Variants in ATP6V1B1 observed in about 807,000 individuals in gnomAD.
The protein encoded by ATP6V1B1 is V-type proton ATPase subunit B, kidney isoform.
Under a neutral mutation model 62.1 loss-of-function variants are expected in ATP6V1B1, and 41 were observed. That is an observed-to-expected ratio of 0.66 (90% CI 0.51 to 0.86). The LOEUF is 0.86. ATP6V1B1 is among the 40% of genes least tolerant of loss of function. ATP6V1B1 has a pLI of 0.00. For synonymous variants in ATP6V1B1, 253 were observed against 273.4 expected (o/e 0.93, Z 0.74); for missense variants, 651 against 697.5 (o/e 0.93, Z 0.75).
intron 2 of ATP6V1B1, among the ~76,000 whole-genome samples, chr2:70,954,621 T>C (rs1680392221): frequency 6.6e-6 from 1 of 152,130 alleles, no homozygotes; most frequent in South Asian, 2.1e-4. Context: ...AATATTTTGT[T>C]TGTTTGTTGT....
At chr2:70,943,493 C>A in intron 1 of ATP6V1B1, 165 bp from the exon 2 acceptor site, 1 of 774,040 alleles carries the variant, frequency 1.3e-6, no homozygotes, top group Admixed American at 2.0e-5. Context: ...AGGGGCATGA[C>A]CCTTACAGCA....
At position 70,964,843 on chromosome 2, in the gene ATP6V1B1, T is replaced by A. The variant is rs927659418; in HGVS notation, c.1356T>A (p.Phe452Leu). 1.2e-6 allele frequency: 2 copies of A among 1,613,906 alleles called. No homozygotes were observed. Among genetic ancestry groups the A allele is most frequent in the African/African-American group, 2.7e-5 (2 of 74,894 alleles). The stretch of plus-strand genomic sequence containing the variant: ...TCTACCTGGAATTCCTGCAGAAGTT[T>A]GAGAAGAACTTCATCAATCAGGGTA... ...DLLYLEFLQKFEKNFINQGPY... is the reference protein window; with the variant it reads ...DLLYLEFLQKLEKNFINQGPY... The change falls in exon 13 of 14, where the codon TTT becomes TTA. Residue 452 changes from phenylalanine (F) to leucine (L), a missense_variant. By Grantham distance (22) the Phe-to-Leu change is conservative (BLOSUM62 0). Coordinates refer to ENST00000234396, the MANE Select transcript of ATP6V1B1 (RefSeq NM_001692.4).
At chr2:70,950,614 A>G (rs1558674015) in intron 2 of ATP6V1B1, among the ~76,000 whole-genome samples, 1 of 151,930 alleles carries the variant, frequency 6.6e-6, no homozygotes, top group Non-Finnish European at 1.5e-5. Flanking sequence ...AAAAAAAAGG[A>G]GGGGGGGAAT....
chr2:70,938,854 G>A (rs1679918711), intron 1 of ATP6V1B1: 1 of 949,626 alleles, frequency 1.1e-6, no homozygotes, highest in South Asian at 4.9e-5. Context: ...CTGGTTGGAG[G>A]GATGAAGCCA....
intron 1 of ATP6V1B1, among the ~76,000 whole-genome samples, chr2:70,938,362 T>A (rs1024602293): frequency 6.6e-6 from 1 of 152,000 alleles, no homozygotes; most frequent in African/African-American, 2.4e-5. Flanking sequence ...GGCCACTCTG[T>A]CCCTCTCCAC....
chr2:70,961,798 C>T (rs1021038594), intron 8 of ATP6V1B1, 105 bp downstream of exon 8: 84 of 1,125,010 alleles, frequency 7.5e-5, no homozygotes, highest in South Asian at 1.3e-4. Context: ...TACAGCCATA[C>T]GCCAGAGCTG....
intron 2 of ATP6V1B1, among the ~76,000 whole-genome samples, chr2:70,945,735 T>TATAC (rs1465765360): frequency 7.5e-6 from 1 of 133,036 alleles, no homozygotes; most frequent in Non-Finnish European, 1.6e-5. Flanking sequence ...TATATATATA[T>TATAC]ATATATAGTT....
intron 8 of ATP6V1B1, among the ~76,000 whole-genome samples, chr2:70,962,551 T>C (rs1680614259): frequency 6.6e-6 from 1 of 152,170 alleles, no homozygotes; most frequent in Non-Finnish European, 1.5e-5. Flanking sequence ...CCTCAGCCCC[T>C]GTCCCCTTTC....
At chr2:70,940,001 G>C (rs10164686) in intron 1 of ATP6V1B1, 2 of 152,168 alleles carry the variant, frequency 1.3e-5, no homozygotes, top group Non-Finnish European at 2.9e-5. Flanking sequence ...ATCTCACCCC[G>C]GTCACCCGAG....
chr2:70,943,815 C>T lies in ATP6V1B1; in HGVS notation c.174+102C>T, dbSNP rs959163509. The T allele has an allele frequency of 1.1e-4, 161 of 1,478,612 alleles. 2 individuals are homozygous for T. In the Middle Eastern group the frequency reaches 1.9e-3, roughly 17 times the overall value. The allele number at this position is 1,478,612 out of a possible 1,614,324, so 91.6% of individuals were successfully genotyped here. A position where few individuals can be genotyped will look rare whatever the true frequency, so the allele number is the denominator to read the frequency against. ...CTAAATTACCCTTTCCCTCCATGGCCCCCAGGGCCTGCTCTGTTCTCTCCA... is the reference window on the plus strand; with the variant it reads ...CTAAATTACCCTTTCCCTCCATGGCTCCCAGGGCCTGCTCTGTTCTCTCCA... On this transcript the variant is annotated intron_variant, in intron 2 of 13. Transcript: ENST00000234396.
chr2:70,948,497 G>A (rs1680240625), intron 2 of ATP6V1B1: 2 of 154,936 alleles, frequency 1.3e-5, no homozygotes, highest in South Asian at 2.0e-4. Flanking sequence ...CACCTCCAGG[G>A]AGATGACAAA....
At chr2:70,961,045 C>T (rs781878442) in intron 7 of ATP6V1B1, 23 bp downstream of exon 7, 14 of 1,558,300 alleles carry the variant, frequency 9.0e-6, no homozygotes, top group Non-Finnish European at 1.1e-5. Flanking sequence ...AGTAGACTGG[C>T]AAGTTCTGGA....
chr2:70,955,898 C>T, intron 2 of ATP6V1B1: 1 of 155,258 alleles, frequency 6.4e-6, no homozygotes. Context: ...TTTTTTTTTT[C>T]ACAATCTAGG....
chr2:70,956,932 C>T lies in ATP6V1B1; in HGVS notation c.175-1114C>T, dbSNP rs1462456690. Among the ~76,000 whole-genome samples, 3 of 152,162 alleles carry T rather than the reference C, an allele frequency of 2.0e-5. No homozygotes were observed. The South Asian group carries it at 6.2e-4, about 32-fold the overall frequency. On this transcript the variant is annotated intron_variant, in intron 2 of 13. Transcript: ENST00000234396. Reference sequence around the variant, plus strand: ...CTAGAGTGTGTGAAGTGGCATCTATCTCATTGTGGTTTTGATTTTCGTTTC... The same window carrying T: ...CTAGAGTGTGTGAAGTGGCATCTATTTCATTGTGGTTTTGATTTTCGTTTC...
chr2:70,963,003 C>A lies in ATP6V1B1; in HGVS notation c.909+103C>A, dbSNP rs1680627931. ...ATAGAGGGGAGCTGGTCCACCCAAG[C>A]CTGCCCCACTCCCATGAGTTCCAGG... On this transcript the variant is annotated intron_variant, in intron 9 of 13. Transcript: ENST00000234396. This position sits in a 1 kb window ranked among gnomAD's most constrained non-coding sequence, Gnocchi z 4.3. 2 of 1,600,950 alleles carry A rather than the reference C, an allele frequency of 1.2e-6. No homozygotes were observed. Among genetic ancestry groups the A allele is most frequent in the East Asian group, 2.2e-5 (1 of 44,830 alleles).
intron 2 of ATP6V1B1, among the ~76,000 whole-genome samples, chr2:70,953,772 T>G (rs955665891): frequency 5.3e-5 from 8 of 152,236 alleles, no homozygotes; most frequent in Non-Finnish European, 1.0e-4. Context: ...AGTTTCAAAT[T>G]ATTTATTCCT....
At chr2:70,954,090 G>A (rs1212328018) in intron 2 of ATP6V1B1, among the ~76,000 whole-genome samples, 3 of 151,708 alleles carry the variant, frequency 2.0e-5, no homozygotes, top group Non-Finnish European at 2.9e-5. Context: ...TGGCTTTGTT[G>A]GTCTTCTCTA....
At position 70,963,316 on chromosome 2, in the gene ATP6V1B1, G is replaced by C. The variant is rs1553420457; in HGVS notation, c.1060+4G>C. ...ATCCTCACCATGCCCAACGACGGTAGCCTCCTCACAGCCCACTACCCTCCA... is the reference window on the plus strand; with the variant it reads ...ATCCTCACCATGCCCAACGACGGTACCCTCCTCACAGCCCACTACCCTCCA... On this transcript the variant is annotated splice_donor_region_variant and intron_variant, in intron 10 of 13. Coordinates refer to ENST00000234396, the MANE Select transcript of ATP6V1B1 (RefSeq NM_001692.4). This position sits in a 1 kb window ranked among gnomAD's most constrained non-coding sequence, Gnocchi z 4.3. 6.2e-7 allele frequency: 1 copy of C among 1,612,712 alleles called. No individual in the cohort carries two copies.
At position 70,964,553 on chromosome 2, in the gene ATP6V1B1, G is replaced by T. The variant is rs1680672057; in HGVS notation, c.1248+11G>T. The stretch of plus-strand genomic sequence containing the variant: ...GTCTCCAACCAGCTGGTAAGGAGAA[G>T]AGGGTCCGGGGGCTGGTAGGTCCTC... On this transcript the variant is annotated intron_variant, in intron 12 of 13. Transcript: ENST00000234396. The T allele has an allele frequency of 6.2e-7, 1 of 1,613,556 alleles. No individual in the cohort carries two copies. Among genetic ancestry groups the T allele is most frequent in the Non-Finnish European group, 8.5e-7 (1 of 1,179,462 alleles).
Sources: gnomAD v4.1 joint callset for allele counts (sites outside exome capture counted in the v4.1 genomes callset) on GRCh38, gnomAD v4.1.1 for gene constraint, Gnocchi (gnomAD v3.1) non-coding constraint, MANE v1.5 for transcripts, NCBI Gene and HGNC (gene_info 2026-07-23, HGNC 2026-07-21) for gene names.